TTC28: variants seen among roughly 807,000 people sequenced by gnomAD.
TTC28 encodes the protein tetratricopeptide repeat domain 28, also known as tetratricopeptide repeat protein 28.
TTC28 carries 61 observed loss-of-function variants against 198.0 expected under a neutral mutation model. The observed-to-expected ratio is 0.31, with a 90% CI of 0.25 to 0.38. The LOEUF (loss-of-function observed/expected upper bound fraction) is 0.38, where lower values mean the gene tolerates loss of function less well. Ranked by LOEUF, TTC28 falls within the 10% of genes least tolerant of loss-of-function variation. The pLI, the probability that TTC28 is intolerant of heterozygous loss-of-function variation, is 1.00. For synonymous variants in TTC28, 1,171 were observed against 1,297.8 expected, an observed-to-expected ratio of 0.90 and a Z score of 2.10; for missense variants, 2,678 against 3,164.0, an observed-to-expected ratio of 0.85 and a Z score of 3.69.
intron 12 of TTC28, among the ~76,000 whole-genome samples, chr22:28,071,182 A>G (rs1940953298): frequency 6.6e-6 from 1 of 152,170 alleles, no homozygotes; most frequent in Admixed American, 6.5e-5. Flanking sequence ...TCTAACTGGC[A>G]AGAGGCACAC....
At chr22:28,569,955 C>G (rs2050036202) in intron 2 of TTC28, among the ~76,000 whole-genome samples, 1 of 152,160 alleles carries the variant, frequency 6.6e-6, no homozygotes, top group Non-Finnish European at 1.5e-5. Context: ...TTAAAAAATG[C>G]TCAACATCAC....
At chr22:27,998,449 C>T (rs1601498890) in intron 16 of TTC28, 91 bp downstream of exon 16, 3 of 1,462,846 alleles carry the variant, frequency 2.1e-6, no homozygotes, top group South Asian at 2.8e-5. Context: ...CTGCCCTCCC[C>T]TCCCCAACCC....
rs567002944 is a variant in TTC28 at position 28,070,317 on chromosome 22, C to T, written c.3932+23763G>A. 3.3e-5 allele frequency among the ~76,000 whole-genome samples: 5 copies of T among 152,218 alleles called. No individual in the cohort carries two copies. In the South Asian group the frequency reaches 1.0e-3, roughly 32 times the overall value. ...GTTAACCTCCACACAATAAATACTACTGTGATTAGGGACAGCCAAAAAAGG... is the reference window on the plus strand; with the variant it reads ...GTTAACCTCCACACAATAAATACTATTGTGATTAGGGACAGCCAAAAAAGG... On this transcript the variant is annotated intron_variant, in intron 12 of 22. Transcript: ENST00000397906.
intron 5 of TTC28, among the ~76,000 whole-genome samples, chr22:28,286,241 G>T (rs2044684284): frequency 6.6e-6 from 1 of 151,956 alleles, no homozygotes; most frequent in South Asian, 2.1e-4. Context: ...TAGAAAATGG[G>T]CTACAACCCC....
At chr22:28,084,614 C>T (rs1386373395) in intron 12 of TTC28, among the ~76,000 whole-genome samples, 2 of 152,170 alleles carry the variant, frequency 1.3e-5, no homozygotes, top group Non-Finnish European at 2.9e-5. Flanking sequence ...CTCTCCTCCT[C>T]CAAAGAAACG....
chr22:27,994,884 C>T (rs924038702), intron 17 of TTC28, among the ~76,000 whole-genome samples: 4 of 151,774 alleles, frequency 2.6e-5, no homozygotes, highest in African/African-American at 9.7e-5. Flanking sequence ...GTGACGGGAC[C>T]CGAGAACTGA....
intron 2 of TTC28, among the ~76,000 whole-genome samples, chr22:28,458,245 G>A (rs1386476984): frequency 6.6e-6 from 1 of 152,054 alleles, no homozygotes; most frequent in Admixed American, 6.6e-5. Context: ...ATGAATATGA[G>A]AGCAACATCT....
At chr22:28,280,382 A>C (rs1232938809) in intron 5 of TTC28, among the ~76,000 whole-genome samples, 10 of 152,038 alleles carry the variant, frequency 6.6e-5, no homozygotes, top group Non-Finnish European at 1.3e-4. Flanking sequence ...GCTGGAGTGC[A>C]ATGGCGCGAC....
chr22:28,443,946 A>G (rs1413665095), intron 2 of TTC28, among the ~76,000 whole-genome samples: 1 of 152,216 alleles, frequency 6.6e-6, no homozygotes, highest in Non-Finnish European at 1.5e-5. Flanking sequence ...AAGAAAAAAG[A>G]TTTGAAGTAT....
intron 5 of TTC28, among the ~76,000 whole-genome samples, chr22:28,267,365 A>C (rs1188235473): frequency 6.6e-6 from 1 of 152,180 alleles, no homozygotes; most frequent in African/African-American, 2.4e-5. Context: ...ATGTGGAAGA[A>C]AGTTTATAAG....
intron 2 of TTC28, among the ~76,000 whole-genome samples, chr22:28,600,381 G>A (rs1198183132): frequency 3.3e-5 from 5 of 152,028 alleles, no homozygotes; most frequent in Admixed American, 1.3e-4. Flanking sequence ...CTCTAGCCCG[G>A]GCAACAAAGC....
intron 2 of TTC28, among the ~76,000 whole-genome samples, chr22:28,342,946 A>C (rs1340845515): frequency 6.6e-6 from 1 of 152,230 alleles, no homozygotes; most frequent in Admixed American, 6.5e-5. Flanking sequence ...CAAACCTTTC[A>C]ATTCACATCA....
chr22:28,087,283 A>T (rs1941643525), intron 12 of TTC28, among the ~76,000 whole-genome samples: 1 of 152,108 alleles, frequency 6.6e-6, no homozygotes, highest in African/African-American at 2.4e-5. Flanking sequence ...GCAAACCAAA[A>T]CCAGCAGCAC....
At chr22:28,025,783 T>C (rs1938807062) in intron 13 of TTC28, among the ~76,000 whole-genome samples, 1 of 152,166 alleles carries the variant, frequency 6.6e-6, no homozygotes, top group South Asian at 2.1e-4. Flanking sequence ...GGCAGGAGGA[T>C]CACTTGAGCC....
In TTC28 at chr22:27,990,179, CCT is replaced by C. The variant is rs1352058321; in HGVS notation, c.5578-174_5578-173del. The stretch of plus-strand genomic sequence containing the variant: ...GCATTCATACCTACTGTCCTGCTGT[CCT>C]CTCTGTGGGAAGCTCATGGGGCATT... On this transcript the variant is annotated intron_variant, in intron 20 of 22. Transcript: ENST00000397906. 9.9e-6 allele frequency: 9 copies of C among 906,060 alleles called. No homozygotes were observed. The African/African-American group carries it at 1.5e-4, about 15-fold the overall frequency. The allele number at this position is 906,060 out of a possible 1,614,324, so 56.1% of individuals were successfully genotyped here.
At chr22:28,321,573 TG>T (rs1468194521) in intron 2 of TTC28, among the ~76,000 whole-genome samples, 5 of 152,194 alleles carry the variant, frequency 3.3e-5, no homozygotes, top group Admixed American at 3.3e-4. Flanking sequence ...GGGCAAGTTT[TG>T]TAACCACCTC....
intron 16 of TTC28, chr22:27,997,988 C>T (rs1937581569): frequency 1.9e-5 from 3 of 156,564 alleles, no homozygotes; most frequent in African/African-American, 7.2e-5. Context: ...CTCCCTAGAC[C>T]CTCTGGGCAG....
chr22:28,438,238 C>T (rs138793754), intron 2 of TTC28, among the ~76,000 whole-genome samples: 1 of 152,246 alleles, frequency 6.6e-6, no homozygotes, highest in African/African-American at 2.4e-5. Flanking sequence ...TTAGTATAGG[C>T]ATATTAAAAT....
chr22:28,121,222 G>A (rs1385678224), intron 6 of TTC28, among the ~76,000 whole-genome samples: 1 of 152,178 alleles, frequency 6.6e-6, no homozygotes, highest in African/African-American at 2.4e-5. Context: ...TATTTGAGCT[G>A]TAGACTCACA....
Sources: gnomAD v4.1 joint callset for allele counts (sites outside exome capture counted in the v4.1 genomes callset) on GRCh38, gnomAD v4.1.1 for gene constraint, MANE v1.5 for transcripts, NCBI Gene and HGNC (gene_info 2026-07-23, HGNC 2026-07-21) for gene names.